KCNH4: variants seen among roughly 807,000 people sequenced by gnomAD.
KCNH4 encodes the protein potassium voltage-gated channel subfamily H member 4, also known as voltage-gated delayed rectifier potassium channel KCNH4.
In KCNH4, 33 loss-of-function variants were observed where a neutral mutation model predicts 90.7. The observed-to-expected ratio is 0.36, with a 90% CI of 0.28 to 0.49. The LOEUF (loss-of-function observed/expected upper bound fraction) is 0.49, where lower values mean the gene tolerates loss of function less well. KCNH4 is among the 20% of genes least tolerant of loss of function. The pLI is 0.98. For missense variants in KCNH4, 1,044 were observed against 1,387.1 expected (o/e 0.75, Z 3.93); for synonymous variants, 551 against 581.7 (o/e 0.95, Z 0.76).
chr17:42,163,847 G>A lies in KCNH4; in HGVS notation c.2236C>T (p.Leu746=). 6.6e-7 allele frequency: 1 copy of A among 1,510,296 alleles called. No individual in the cohort carries two copies. The highest frequency in any genetic ancestry group is 8.9e-7 in the Non-Finnish European group (1 of 1,128,534). 93.6% of individuals were successfully genotyped at this position (1,510,296 alleles called of 1,614,324 possible). The change falls in exon 13 of 17, where the codon CTG becomes TTG. Residue 746 remains leucine, a synonymous_variant. Transcript: ENST00000264661. The surrounding 1 kb of genome is among the most constrained non-coding windows in gnomAD (Gnocchi z 5.4). ...GGPRPRRPLL[L]PNLSPARPRG... is the part of the protein sequence containing the mutation. ...GGCCGTGCTGGGCTGAGGTTGGGCA[G>A]CAGGAGGGGCCGTCGGGGCCTGGGA...
chr17:42,177,127 G>A (rs1417581977), intron 4 of KCNH4, among the ~76,000 whole-genome samples: 3 of 151,520 alleles, frequency 2.0e-5, no homozygotes, highest in Non-Finnish European at 2.9e-5. Flanking sequence ...TCGGCTCACC[G>A]CAACCTCCAC....
chr17:42,176,116 G>A lies in KCNH4; in HGVS notation c.767C>T (p.Thr256Ile). Residue 256 changes from threonine (T) to isoleucine (I), a missense_variant, in exon 5 of 17, where the codon ACC becomes ATC. By Grantham distance (89) the Thr-to-Ile change is moderately conservative (BLOSUM62 -1). Coordinates refer to ENST00000264661, the MANE Select transcript of KCNH4 (RefSeq NM_012285.3). The part of the protein sequence containing the change: ...YNVCFSGDDD[T>I]PITSRHTLVS... ...AAGGGTGTGTCGCGAAGTGATGGGG[G>A]TGTCATCGTCACCCGAGAAACAGAC... 1 of 1,613,852 alleles carries A rather than the reference G, an allele frequency of 6.2e-7. No homozygotes were observed. The highest frequency in any genetic ancestry group is 8.5e-7 in the Non-Finnish European group (1 of 1,179,878).
At chr17:42,165,725 G>A in intron 10 of KCNH4, 32 bp from the exon 11 acceptor site, 2 of 1,612,548 alleles carry the variant, frequency 1.2e-6, no homozygotes, top group South Asian at 1.1e-5. Context: ...AGTCAGCTGG[G>A]GCAGTGAGAA....
At chr17:42,169,420 A>G (rs2079810255) in intron 9 of KCNH4, 57 bp downstream of exon 9, 2 of 1,507,508 alleles carry the variant, frequency 1.3e-6, no homozygotes, top group South Asian at 2.3e-5. Flanking sequence ...CTCCTTCCCC[A>G]CCCCACTGCA....
chr17:42,169,111 G>T (rs867830400), intron 9 of KCNH4, among the ~76,000 whole-genome samples: 2 of 151,436 alleles, frequency 1.3e-5, no homozygotes, highest in East Asian at 3.9e-4. Flanking sequence ...ACAGAGTCTA[G>T]CTCTGTCACC....
chr17:42,157,828 G>A (rs2079719364), intron 16 of KCNH4, among the ~76,000 whole-genome samples: 1 of 151,098 alleles, frequency 6.6e-6, no homozygotes, highest in Admixed American at 6.6e-5. Context: ...TGTTGCCCAG[G>A]CTGGTCTTGA....
At position 42,164,186 on chromosome 17, in the gene KCNH4, A is replaced by T; in HGVS notation, c.2086-18T>A. 1 of 1,535,622 alleles carries T rather than the reference A, an allele frequency of 6.5e-7. No homozygotes were observed. Among genetic ancestry groups the T allele is most frequent in the Non-Finnish European group, 8.8e-7 (1 of 1,137,394 alleles). ...CTGAGGCCCTGTGGGGACATAGGAG[A>T]GTTCAAGCTGATTCCTGCCTTCCCG... is the stretch of plus-strand genomic sequence containing the variant. On this transcript the variant is annotated intron_variant, in intron 11 of 16. Transcript: ENST00000264661.
chr17:42,159,306 C>T (rs1303117016), intron 16 of KCNH4, among the ~76,000 whole-genome samples: 8 of 152,166 alleles, frequency 5.3e-5, no homozygotes, highest in African/African-American at 1.2e-4. Context: ...GGATTACAGG[C>T]GTGAGCCACC....
Position 42,162,245 on chromosome 17 carries a change from C to T in KCNH4, c.2658+3G>A. ...GCACGTCTCTGAGCCAGCCCCAACC[C>T]ACCTCCTGGTTCAGCCGGCAAACCT... On this transcript the variant is annotated splice_donor_region_variant and intron_variant, in intron 15 of 16. Coordinates refer to ENST00000264661, the MANE Select transcript of KCNH4 (RefSeq NM_012285.3). 12 of 1,613,824 alleles carry T rather than the reference C, an allele frequency of 7.4e-6. No homozygotes were observed. Among genetic ancestry groups the T allele is most frequent in the Non-Finnish European group, 1.0e-5 (12 of 1,179,840 alleles).
intron 6 of KCNH4, among the ~76,000 whole-genome samples, chr17:42,174,767 G>A (rs1232202249): frequency 6.6e-6 from 1 of 152,044 alleles, no homozygotes; most frequent in Non-Finnish European, 1.5e-5. Flanking sequence ...GACCACTCAG[G>A]GCACCTCCAG....
chr17:42,164,460 C>T (rs765820807), intron 11 of KCNH4, among the ~76,000 whole-genome samples: 2 of 152,334 alleles, frequency 1.3e-5, no homozygotes, highest in Non-Finnish European at 2.9e-5. Context: ...CATGATGCCC[C>T]GTCCAGAGAG....
Position 42,163,482 on chromosome 17 carries a change from G to A in KCNH4, c.2477+124C>T. 1.3e-6 allele frequency: 1 copy of A among 747,646 alleles called. No homozygotes were observed. Among genetic ancestry groups the A allele is most frequent in the Non-Finnish European group, 2.2e-6 (1 of 447,702 alleles). 46.3% of individuals were successfully genotyped at this position (747,646 alleles called of 1,614,324 possible). A position where few individuals can be genotyped will look rare whatever the true frequency, so the allele number is the denominator to read the frequency against. ...TTGGGGTTGCAAGCTGTGGTTGGAA[G>A]GGTGCGGTGGGCACACGGGCAGAGA... On this transcript the variant is annotated intron_variant, in intron 13 of 16. Coordinates refer to ENST00000264661, the MANE Select transcript of KCNH4 (RefSeq NM_012285.3). This position sits in a 1 kb window ranked among gnomAD's most constrained non-coding sequence, Gnocchi z 5.4.
In KCNH4 at chr17:42,178,181, G is replaced by T. The variant is rs1425984455; in HGVS notation, c.504C>A (p.Ala168=). Residue 168 remains alanine, a synonymous_variant, in exon 4 of 17, where the codon GCC becomes GCA. Transcript: ENST00000264661. ...GTAGGACAGTACGGCTCCGTCTTCT[G>T]GCAGACCGAAATTTCCAGGTGGCTC... ...RRGATWKFRS[A]RRRSRTVLHR... is the part of the protein sequence containing the mutation. The T allele has an allele frequency of 1.9e-6, 3 of 1,614,230 alleles. No individual in the cohort carries two copies. The highest frequency in any genetic ancestry group is 2.5e-6 in the Non-Finnish European group (3 of 1,180,042).
intron 16 of KCNH4, among the ~76,000 whole-genome samples, chr17:42,158,410 A>G (rs2079722843): frequency 6.7e-6 from 1 of 150,158 alleles, no homozygotes; most frequent in Non-Finnish European, 1.5e-5. Flanking sequence ...AGGCGCCGGT[A>G]GTCCCAGCTA....
At chr17:42,157,338 G>T (rs954074301) in intron 16 of KCNH4, among the ~76,000 whole-genome samples, 9 of 151,998 alleles carry the variant, frequency 5.9e-5, no homozygotes, top group African/African-American at 2.2e-4. Flanking sequence ...TTGAGCCTCC[G>T]CGCCTGGCAG....
chr17:42,161,293 C>T (rs2079746845), intron 15 of KCNH4, among the ~76,000 whole-genome samples: 1 of 152,192 alleles, frequency 6.6e-6, no homozygotes, highest in Non-Finnish European at 1.5e-5. Flanking sequence ...ATGCCTGAGG[C>T]CTTGAGCGGA....
intron 6 of KCNH4, 36 bp from the exon 7 acceptor site, chr17:42,172,031 A>G (rs1330894725): frequency 6.5e-7 from 1 of 1,537,548 alleles, no homozygotes. Context: ...GTCAGCAGGC[A>G]CACCTCCTCC....
chr17:42,162,652 G>A (rs1437666644), intron 14 of KCNH4, among the ~76,000 whole-genome samples: 1 of 151,842 alleles, frequency 6.6e-6, no homozygotes, highest in African/African-American at 2.4e-5. Flanking sequence ...GAGTGCAGTG[G>A]TGTGCTCTCA....
intron 16 of KCNH4, among the ~76,000 whole-genome samples, chr17:42,158,029 A>G (rs1471766876): frequency 6.6e-6 from 1 of 151,958 alleles, no homozygotes; most frequent in Non-Finnish European, 1.5e-5. Flanking sequence ...CCCAGGTTCA[A>G]GCGATTCTCC....
Sources: gnomAD v4.1 joint callset for allele counts (sites outside exome capture counted in the v4.1 genomes callset) on GRCh38, gnomAD v4.1.1 for gene constraint, Gnocchi (gnomAD v3.1) non-coding constraint, MANE v1.5 for transcripts, NCBI Gene and HGNC (gene_info 2026-07-23, HGNC 2026-07-21) for gene names.